Variants in PCDH15 observed in about 807,000 individuals in gnomAD.
PCDH15 encodes the protein protocadherin related 15.
PCDH15 carries 129 observed loss-of-function variants against 178.5 expected under a neutral mutation model. The observed-to-expected ratio is 0.72, with a 90% confidence interval of 0.63 to 0.84. The LOEUF (loss-of-function observed/expected upper bound fraction) is 0.84, where lower values mean the gene tolerates loss of function less well. PCDH15 is among the 40% of genes least tolerant of loss of function. PCDH15 has a pLI of 0.00. For synonymous variants in PCDH15, 800 were observed against 732.0 expected, an observed-to-expected ratio of 1.09 and a Z score of -1.50; for missense variants, 2,230 against 2,099.9, an observed-to-expected ratio of 1.06 and a Z score of -1.21.
chr10:54,752,355 T>C (rs1056456928), intron 1 of PCDH15, among the ~76,000 whole-genome samples: 4 of 151,418 alleles, frequency 2.6e-5, no homozygotes, highest in Admixed American at 1.3e-4. Flanking sequence ...CGGGCGCCTG[T>C]AGTCCCAGCT....
At chr10:54,974,057 T>TCACACA (rs3072796) in intron 2 of PCDH15, among the ~76,000 whole-genome samples, 2 of 99,726 alleles carry the variant, frequency 2.0e-5, no homozygotes, top group South Asian at 8.8e-4. Context: ...TCTCTCTCTC[T>TCACACA]CACACACACA....
In PCDH15 at chr10:54,292,287, A is replaced by C. The variant is rs184894801; in HGVS notation, c.876+24984T>G. Among the ~76,000 whole-genome samples the C allele has an allele frequency of 1.6e-3, 239 of 152,132 alleles. 1 individual carries two copies. The highest frequency in any genetic ancestry group is 3.5e-3 in the African/African-American group (144 of 41,490). The stretch of plus-strand genomic sequence containing the variant: ...AATTCAATGGCCCTTCATGCTAAAA[A>C]CTCTCAATAAATCAGGTATTGATGG... On this transcript the variant is annotated intron_variant, in intron 8 of 37. Transcript: ENST00000644397.
At chr10:55,566,947 T>C (rs1363471802) in intron 2 of PCDH15, among the ~76,000 whole-genome samples, 1 of 151,854 alleles carries the variant, frequency 6.6e-6, no homozygotes, top group Non-Finnish European at 1.5e-5. Context: ...CTAAAATTCA[T>C]AGGAATTTCA....
chr10:55,247,457 T>G (rs2132219235), intron 1 of PCDH15, among the ~76,000 whole-genome samples: 1 of 152,250 alleles, frequency 6.6e-6, no homozygotes, highest in South Asian at 2.1e-4. Flanking sequence ...CAAAGAACAT[T>G]TAAGAGAGTT....
At chr10:53,850,151 C>G (rs1487423593) in intron 28 of PCDH15, among the ~76,000 whole-genome samples, 2 of 151,918 alleles carry the variant, frequency 1.3e-5, no homozygotes, top group Non-Finnish European at 2.9e-5. Flanking sequence ...CATGGAGCAC[C>G]TTAGTTTATA....
At chr10:55,130,164 G>A (rs1838002952) in intron 2 of PCDH15, among the ~76,000 whole-genome samples, 1 of 152,118 alleles carries the variant, frequency 6.6e-6, no homozygotes, top group South Asian at 2.1e-4. Flanking sequence ...GATGAGGGAA[G>A]GAGTGTTGCC....
At chr10:54,965,836 G>A (rs919900800) in intron 2 of PCDH15, among the ~76,000 whole-genome samples, 1 of 150,728 alleles carries the variant, frequency 6.6e-6, no homozygotes, top group African/African-American at 2.4e-5. Context: ...GTTTACTCAT[G>A]AAAAACAATA....
At chr10:54,257,329 A>C (rs906316410) in intron 8 of PCDH15, among the ~76,000 whole-genome samples, 4 of 151,722 alleles carry the variant, frequency 2.6e-5, no homozygotes, top group African/African-American at 9.7e-5. Flanking sequence ...ATTTCGTCAG[A>C]ATTTCACAGT....
At chr10:54,696,875 T>G (rs188578911) in intron 1 of PCDH15, among the ~76,000 whole-genome samples, 1 of 152,126 alleles carries the variant, frequency 6.6e-6, no homozygotes, top group Non-Finnish European at 1.5e-5. Context: ...ATGGATGTTT[T>G]TATCTATGTA....
intron 29 of PCDH15, among the ~76,000 whole-genome samples, chr10:53,837,784 C>T (rs971928355): frequency 6.6e-6 from 1 of 151,846 alleles, no homozygotes; most frequent in African/African-American, 2.4e-5. Flanking sequence ...CACATATACA[C>T]ATGTATATGT....
At chr10:54,821,119 G>A (rs758659942) in intron 3 of PCDH15, among the ~76,000 whole-genome samples, 36 of 151,852 alleles carry the variant, frequency 2.4e-4, no homozygotes, top group Admixed American at 1.3e-3. Context: ...AATGTAACTA[G>A]CCCATGCTTT....
chr10:54,493,146 T>C (rs1344178493), intron 3 of PCDH15, among the ~76,000 whole-genome samples: 2 of 152,080 alleles, frequency 1.3e-5, no homozygotes, highest in East Asian at 3.9e-4. Context: ...CAAGATGAGA[T>C]TTAGGTGGGA....
At chr10:54,343,767 C>T (rs1432010492) in intron 6 of PCDH15, among the ~76,000 whole-genome samples, 2 of 150,956 alleles carry the variant, frequency 1.3e-5, no homozygotes, top group Admixed American at 1.3e-4. Context: ...GCACGTTGTG[C>T]ACATGTACCC....
chr10:55,558,067 T>G (rs1305569239), intron 2 of PCDH15, among the ~76,000 whole-genome samples: 1 of 152,056 alleles, frequency 6.6e-6, no homozygotes, highest in African/African-American at 2.4e-5. Flanking sequence ...TCTGCTAACC[T>G]CTGTCATTAG....
At position 55,403,292 on chromosome 10, in the gene PCDH15, T is replaced by C. The variant is rs115993318; in HGVS notation, c.-156+224333A>G. On this transcript the variant is annotated intron_variant, in intron 2 of 5. Coordinates refer to the PCDH15 transcript ENST00000613346. ...TGTCAGTACCTTGTCAAATGAAGAG[T>C]TTGTAAATATTTTCTCCCATGTTAC... Among the ~76,000 whole-genome samples the C allele has an allele frequency of 5.5e-3, 830 of 151,690 alleles. 10 individuals are homozygous for C. The highest frequency in any genetic ancestry group is 0.019 in the African/African-American group (790 of 41,434).
rs554263270 is a variant in PCDH15 at position 54,336,379 on chromosome 10, C to A, written c.595-6673G>T. Reference sequence around the variant, plus strand: ...GGTGTGTCAGAGACATTTGTGGCAGCCCCTCCCATCATAGGCCAGGAGCCC... The same window carrying A: ...GGTGTGTCAGAGACATTTGTGGCAGACCCTCCCATCATAGGCCAGGAGCCC... On this transcript the variant is annotated intron_variant, in intron 6 of 37. Transcript: ENST00000644397. Among the ~76,000 whole-genome samples the A allele has an allele frequency of 7.9e-5, 12 of 152,216 alleles. No individual in the cohort carries two copies. In the South Asian group the frequency reaches 8.3e-4, roughly 11 times the overall value.
intron 8 of PCDH15, among the ~76,000 whole-genome samples, chr10:54,237,942 T>C (rs1158261489): frequency 4.6e-5 from 7 of 152,184 alleles, no homozygotes; most frequent in Admixed American, 2.0e-4. Flanking sequence ...AAGGGTACTA[T>C]TTGCTCACTT....
chr10:54,640,762 T>G (rs540980500), intron 2 of PCDH15, among the ~76,000 whole-genome samples: 1 of 151,964 alleles, frequency 6.6e-6, no homozygotes, highest in East Asian at 1.9e-4. Context: ...AAATGCCAGT[T>G]GTGCACTTCT....
chr10:55,183,626 T>C (rs1839712627), intron 1 of PCDH15, among the ~76,000 whole-genome samples: 1 of 151,104 alleles, frequency 6.6e-6, no homozygotes, highest in African/African-American at 2.4e-5. Context: ...AAACTAAAAC[T>C]GCTTACATTG....
Sources: gnomAD v4.1 joint callset for allele counts (sites outside exome capture counted in the v4.1 genomes callset) on GRCh38, gnomAD v4.1.1 for gene constraint, MANE v1.5 for transcripts, NCBI Gene and HGNC (gene_info 2026-07-23, HGNC 2026-07-21) for gene names.